The following TTC17 variants were observed in gnomAD, a reference collection of about 807,000 sequenced individuals.
TTC17 encodes the protein tetratricopeptide repeat protein 17.
TTC17 carries 58 observed loss-of-function variants against 143.8 expected under a neutral mutation model. The ratio of observed to expected loss-of-function variants is 0.40; its 90% CI spans 0.33 to 0.50. The LOEUF (loss-of-function observed/expected upper bound fraction) is 0.50, where lower values mean the gene tolerates loss of function less well. TTC17 is among the 20% of genes least tolerant of loss of function. The pLI, the probability that TTC17 is intolerant of heterozygous loss-of-function variation, is 0.49. For missense variants in TTC17, 1,273 were observed against 1,392.5 expected (o/e 0.91, Z 1.37); for synonymous variants, 501 against 497.8 (o/e 1.01, Z -0.09).
In TTC17 at chr11:43,493,992, T is replaced by C; in HGVS notation, c.*88T>C. The C allele has an allele frequency of 7.0e-7, 1 of 1,433,744 alleles. No homozygotes were observed. The allele number at this position is 1,433,744 out of a possible 1,614,324, so 88.8% of individuals were successfully genotyped here. On this transcript the variant is annotated 3_prime_UTR_variant, in exon 24 of 24. Transcript: ENST00000039989. ...ACCAATCATTGTCAGTATCTACTAT[T>C]AATGATGTGTGTGAAAATAACTAAG...
At position 43,414,572 on chromosome 11, in the gene TTC17, A is replaced by ATTTTTTTTTTTTTTTTT; in HGVS notation, c.2065-9_2065-8insTTTTTTTTTTTTTTTTT. 1.3e-6 allele frequency: 2 copies of ATTTTTTTTTTTTTTTTT among 1,573,574 alleles called. No homozygotes were observed. Among genetic ancestry groups the ATTTTTTTTTTTTTTTTT allele is most frequent in the Non-Finnish European group, 1.7e-6 (2 of 1,159,486 alleles). On this transcript the variant is annotated splice_polypyrimidine_tract_variant and intron_variant, in intron 15 of 23. Coordinates refer to ENST00000039989, the MANE Select transcript of TTC17 (RefSeq NM_018259.6). The stretch of plus-strand genomic sequence containing the variant: ...ATATTAGTTCATTAACATTTTGCCG[A>ATTTTTTTTTTTTTTTTT]TTTTTTTTTCTTTTCAGCCTCTGAC...
At chr11:43,382,049 GAT>G (rs1391412768) in intron 2 of TTC17, among the ~76,000 whole-genome samples, 1 of 152,188 alleles carries the variant, frequency 6.6e-6, no homozygotes, top group African/African-American at 2.4e-5. Flanking sequence ...GTCATTGACA[GAT>G]AGACATAAAG....
At chr11:43,366,092 TGCCTCA>T (rs1856329983) in intron 1 of TTC17, among the ~76,000 whole-genome samples, 1 of 151,890 alleles carries the variant, frequency 6.6e-6, no homozygotes, top group African/African-American at 2.4e-5. Context: ...GCAATTTTTC[TGCCTCA>T]GCCTCCCGAG....
intron 5 of TTC17, among the ~76,000 whole-genome samples, chr11:43,394,264 G>C (rs1857498218): frequency 6.6e-6 from 1 of 152,190 alleles, no homozygotes; most frequent in Admixed American, 6.5e-5. Context: ...ATTATGTAAG[G>C]GTCTGAAATC....
intron 1 of TTC17, among the ~76,000 whole-genome samples, chr11:43,374,618 CAAAA>C (rs1460767110): frequency 6.6e-6 from 1 of 151,884 alleles, no homozygotes; most frequent in Non-Finnish European, 1.5e-5. Context: ...AGGCACTTCT[CAAAA>C]GAAGACATAC....
intron 1 of TTC17, among the ~76,000 whole-genome samples, chr11:43,370,698 A>G (rs774658119): frequency 2.0e-5 from 3 of 152,248 alleles, no homozygotes; most frequent in Non-Finnish European, 2.9e-5. Context: ...TAGAAAACAC[A>G]AACAAGAAGA....
At chr11:43,456,112 A>G (rs572802224) in intron 21 of TTC17, among the ~76,000 whole-genome samples, 9 of 152,242 alleles carry the variant, frequency 5.9e-5, no homozygotes, top group African/African-American at 2.2e-4. Flanking sequence ...ACTTGTGCAA[A>G]CATTGGATAT....
chr11:43,442,229 T>C (rs369136528), intron 16 of TTC17, among the ~76,000 whole-genome samples: 24 of 152,358 alleles, frequency 1.6e-4, no homozygotes, highest in African/African-American at 4.8e-4. Flanking sequence ...ACCACCATGG[T>C]ATATGCAGTT....
chr11:43,442,824 G>A (rs548223384), intron 16 of TTC17, among the ~76,000 whole-genome samples: 1 of 152,190 alleles, frequency 6.6e-6, no homozygotes, highest in Non-Finnish European at 1.5e-5. Context: ...CAGCCATTTA[G>A]TGAAAAATGG....
At position 43,444,049 on chromosome 11, in the gene TTC17, T is replaced by C. The variant is rs759110877; in HGVS notation, c.2512-7T>C. ...TCATTTGTCCCTAACATGTTTCTGT[T>C]TCCCAGATTACATTCCAGGTCAAAC... On this transcript the variant is annotated splice_polypyrimidine_tract_variant and splice_region_variant and intron_variant, in intron 17 of 23. Transcript: ENST00000039989. The C allele has an allele frequency of 1.9e-6, 3 of 1,594,516 alleles. No individual in the cohort carries two copies. The Admixed American group carries it at 5.4e-5, about 29-fold the overall frequency.
At chr11:43,432,762 C>CA (rs1947187381) in intron 16 of TTC17, among the ~76,000 whole-genome samples, 1 of 151,882 alleles carries the variant, frequency 6.6e-6, no homozygotes, top group Admixed American at 6.6e-5. Flanking sequence ...GGAAAACAGG[C>CA]AATATTTTTC....
intron 21 of TTC17, among the ~76,000 whole-genome samples, chr11:43,471,158 A>G (rs1040950737): frequency 3.3e-5 from 5 of 152,186 alleles, no homozygotes; most frequent in Non-Finnish European, 7.3e-5. Context: ...AGAGGGCTCC[A>G]CCGGTGGCCC....
intron 15 of TTC17, among the ~76,000 whole-genome samples, chr11:43,409,360 T>C (rs557233916): frequency 6.6e-6 from 1 of 152,336 alleles, no homozygotes; most frequent in East Asian, 1.9e-4. Flanking sequence ...AGAGAATGAA[T>C]ATTTTGATGG....
rs547259299 is a variant in TTC17, at chr11:43,383,965, A to G, written c.249+4643A>G. 3.2e-3 allele frequency among the ~76,000 whole-genome samples: 491 copies of G among 151,814 alleles called. 2 individuals carry two copies. Among genetic ancestry groups the G allele is most frequent in the Non-Finnish European group, 4.9e-3 (331 of 67,884 alleles). ...GAGGATTGCTTGAGACCAGGAGTTT[A>G]AGACCCTGTCTCTACAAAATAATTT... On this transcript the variant is annotated intron_variant, in intron 2 of 23. Transcript: ENST00000039989.
intron 1 of TTC17, 117 bp downstream of exon 1, chr11:43,359,230 G>A (rs1314555717): frequency 7.6e-7 from 1 of 1,311,466 alleles, no homozygotes; most frequent in Admixed American, 3.8e-5. Context: ...CCCTCACAGG[G>A]AGGTGGCACC....
At chr11:43,419,461 A>G (rs1010596952) in intron 16 of TTC17, among the ~76,000 whole-genome samples, 1 of 152,138 alleles carries the variant, frequency 6.6e-6, no homozygotes, top group East Asian at 1.9e-4. Context: ...TCTTCAACCT[A>G]AATTTTTGTA....
intron 2 of TTC17, among the ~76,000 whole-genome samples, chr11:43,382,995 G>C (rs1426855946): frequency 2.0e-5 from 3 of 152,004 alleles, no homozygotes; most frequent in Non-Finnish European, 2.9e-5. Context: ...AACTTCCTGG[G>C]CTCATGCTAT....
rs1488975888 is a variant in TTC17 at position 43,462,917 on chromosome 11, A to T, written c.3030+11652A>T. Among the ~76,000 whole-genome samples the T allele has an allele frequency of 1.1e-4, 11 of 99,972 alleles. No homozygotes were observed. The East Asian group carries it at 1.9e-3, about 18-fold the overall frequency. 65.6% of individuals were successfully genotyped at this position (99,972 alleles called of 152,430 possible). A position where few individuals can be genotyped will look rare whatever the true frequency, so the allele number is the denominator to read the frequency against. ...TAAGCACTGAATCCAGCAGTGACAA[A>T]ATTCTTTTTTTTTTTTGAGACAGAG... On this transcript the variant is annotated intron_variant, in intron 21 of 23. Transcript: ENST00000039989.
At position 43,398,568 on chromosome 11, in the gene TTC17, A is replaced by G. The variant is rs186550114; in HGVS notation, c.1058+455A>G. On this transcript the variant is annotated intron_variant, in intron 8 of 23. Transcript: ENST00000039989. Reference sequence around the variant, plus strand: ...CCTAGGGTTGAGTTATTGTTAAGGTAGTTAAATGGCATTGAGAGACATTAT... The same window carrying G: ...CCTAGGGTTGAGTTATTGTTAAGGTGGTTAAATGGCATTGAGAGACATTAT... Among the ~76,000 whole-genome samples the G allele has an allele frequency of 6.7e-3, 1,017 of 152,280 alleles. 17 individuals carry two copies. Among genetic ancestry groups the G allele is most frequent in the African/African-American group, 0.023 (956 of 41,556 alleles).
Sources: allele counts gnomAD v4.1 joint callset (sites outside exome capture counted in the v4.1 genomes callset), GRCh38; gene constraint gnomAD v4.1.1; transcripts MANE v1.5; gene names NCBI Gene and HGNC (gene_info 2026-07-23, HGNC 2026-07-21).